ROBO1: variants seen among roughly 807,000 people sequenced by gnomAD.
ROBO1 encodes the protein roundabout guidance receptor 1.
In ROBO1, 149 loss-of-function variants were observed where a neutral mutation model predicts 195.9. The observed-to-expected ratio is 0.76, with a 90% CI of 0.67 to 0.87. ROBO1 has a LOEUF of 0.87. ROBO1 is among the 40% of genes least tolerant of loss of function. The probability of loss-of-function intolerance (pLI) is 0.00; values close to 1 mark genes in which losing one functional copy is unlikely to be tolerated. For missense variants in ROBO1, 1,933 were observed against 2,068.3 expected (o/e 0.93, Z 1.27); for synonymous variants, 816 against 733.2 (o/e 1.11, Z -1.82).
At chr3:78,781,346 A>T (rs1364162281) in intron 4 of ROBO1, among the ~76,000 whole-genome samples, 2 of 152,180 alleles carry the variant, frequency 1.3e-5, no homozygotes, top group Non-Finnish European at 2.9e-5. Context: ...CATCTAGATT[A>T]ACTCTAACAT....
chr3:79,667,342 G>A (rs1022826890), intron 1 of ROBO1, among the ~76,000 whole-genome samples: 1 of 151,696 alleles, frequency 6.6e-6, no homozygotes, highest in African/African-American at 2.4e-5. Context: ...ATCATCAAAT[G>A]AGCATTTTCT....
chr3:78,847,614 C>A (rs555441845), intron 4 of ROBO1, among the ~76,000 whole-genome samples: 1 of 152,102 alleles, frequency 6.6e-6, no homozygotes, highest in Non-Finnish European at 1.5e-5. Flanking sequence ...CGAAGGACTT[C>A]AAAAAATTCT....
chr3:79,356,899 G>T (rs1346534625), intron 2 of ROBO1, among the ~76,000 whole-genome samples: 2 of 152,092 alleles, frequency 1.3e-5, no homozygotes, highest in Non-Finnish European at 2.9e-5. Context: ...TTGCACTATG[G>T]TTTCAAGCCA....
chr3:79,606,219 T>C (rs1944480629), intron 1 of ROBO1, among the ~76,000 whole-genome samples: 1 of 151,952 alleles, frequency 6.6e-6, no homozygotes, highest in African/African-American at 2.4e-5. Context: ...AGAGATCTAA[T>C]GTACAACACT....
At chr3:78,924,054 C>G (rs962767547) in intron 4 of ROBO1, among the ~76,000 whole-genome samples, 1 of 151,674 alleles carries the variant, frequency 6.6e-6, no homozygotes, top group Non-Finnish European at 1.5e-5. Flanking sequence ...TATATAAATA[C>G]ATATACACAC....
intron 4 of ROBO1, among the ~76,000 whole-genome samples, chr3:78,855,904 T>G (rs930490223): frequency 2.6e-5 from 4 of 152,052 alleles, no homozygotes; most frequent in Admixed American, 2.0e-4. Flanking sequence ...TTTTAAATAC[T>G]AACGGAAATG....
chr3:79,568,961 G>C (rs1364821164), intron 2 of ROBO1, among the ~76,000 whole-genome samples: 1 of 151,576 alleles, frequency 6.6e-6, no homozygotes, highest in African/African-American at 2.4e-5. Context: ...CAATTCTTTC[G>C]ACAGTATAAT....
intron 2 of ROBO1, among the ~76,000 whole-genome samples, chr3:79,316,638 C>T (rs544963539): frequency 2.6e-5 from 4 of 152,016 alleles, no homozygotes; most frequent in African/African-American, 9.6e-5. Context: ...GGGGTGAGAA[C>T]TTATTAAGAA....
intron 18 of ROBO1, among the ~76,000 whole-genome samples, chr3:78,655,794 TC>T (rs1254995308): frequency 6.6e-6 from 1 of 152,210 alleles, no homozygotes; most frequent in Non-Finnish European, 1.5e-5. Context: ...GCTTCATACA[TC>T]TGATCCTTTT....
intron 4 of ROBO1, among the ~76,000 whole-genome samples, chr3:78,882,945 TG>T (rs548342574): frequency 2.0e-3 from 306 of 151,912 alleles, no homozygotes; most frequent in Non-Finnish European, 3.4e-3. Flanking sequence ...CCCAAGTAGC[TG>T]GGATTACAGG....
intron 4 of ROBO1, among the ~76,000 whole-genome samples, chr3:78,901,298 G>A (rs1038070250): frequency 6.6e-6 from 1 of 152,088 alleles, no homozygotes; most frequent in Non-Finnish European, 1.5e-5. Context: ...ATTGACCCAC[G>A]AAATATCATC....
chr3:79,174,287 G>A (rs568084503), intron 2 of ROBO1, among the ~76,000 whole-genome samples: 251 of 152,036 alleles, frequency 1.7e-3, no homozygotes, highest in Non-Finnish European at 3.0e-3. Flanking sequence ...AGCCCACTGA[G>A]ACGAAGGAAC....
intron 4 of ROBO1, among the ~76,000 whole-genome samples, chr3:78,758,272 C>G (rs545986701): frequency 6.6e-6 from 1 of 152,230 alleles, no homozygotes; most frequent in African/African-American, 2.4e-5. Flanking sequence ...GTAATCCCTG[C>G]ATTTGGGAGG....
chr3:79,327,491 T>A (rs988700214), intron 2 of ROBO1, among the ~76,000 whole-genome samples: 4 of 151,938 alleles, frequency 2.6e-5, no homozygotes, highest in African/African-American at 9.7e-5. Flanking sequence ...ACTTCCCGAG[T>A]TCCTCAGCTT....
chr3:79,419,928 C>T (rs139223787), intron 2 of ROBO1, among the ~76,000 whole-genome samples: 1,615 of 151,992 alleles, frequency 0.011, 28 homozygotes, highest in African/African-American at 0.037. Flanking sequence ...GGTATACATA[C>T]GATATACAAT....
At chr3:78,648,589 C>T (rs528826435) in intron 19 of ROBO1, among the ~76,000 whole-genome samples, 3 of 151,470 alleles carry the variant, frequency 2.0e-5, no homozygotes, top group South Asian at 2.1e-4. Context: ...GGTTGGATAA[C>T]GGCAGAGCAA....
intron 8 of ROBO1, among the ~76,000 whole-genome samples, chr3:78,694,965 C>A (rs2107885395): frequency 6.6e-6 from 1 of 151,870 alleles, no homozygotes; most frequent in African/African-American, 2.4e-5. Flanking sequence ...TAAAACATTT[C>A]AAAAATATAT....
At chr3:78,922,112 G>A (rs1352498215) in intron 4 of ROBO1, among the ~76,000 whole-genome samples, 2 of 151,976 alleles carry the variant, frequency 1.3e-5, no homozygotes, top group Non-Finnish European at 2.9e-5. Flanking sequence ...GATAAACTAG[G>A]TTTACATGGT....
chr3:78,869,467 A>T lies in ROBO1; in HGVS notation c.499+69134T>A, dbSNP rs1389526044. The stretch of plus-strand genomic sequence containing the variant: ...CATTTGGTCATTCTTTCAAGGATTC[A>T]GATGCTTTCTATGGCTTATTTTACC... On this transcript the variant is annotated intron_variant, in intron 4 of 30. Transcript: ENST00000464233. Among the ~76,000 whole-genome samples, 3 of 152,298 alleles carry T rather than the reference A, an allele frequency of 2.0e-5. No individual in the cohort carries two copies. The South Asian group carries it at 6.2e-4, about 32-fold the overall frequency.
Sources: gnomAD v4.1 joint callset for allele counts (sites outside exome capture counted in the v4.1 genomes callset) on GRCh38, gnomAD v4.1.1 for gene constraint, MANE v1.5 for transcripts, NCBI Gene and HGNC (gene_info 2026-07-23, HGNC 2026-07-21) for gene names.